CTNND2: variants seen among roughly 807,000 people sequenced by gnomAD.
CTNND2 encodes catenin delta 2.
In CTNND2, 22 loss-of-function variants were observed where a neutral mutation model predicts 144.4. The observed-to-expected ratio is 0.15, with a 90% CI of 0.11 to 0.22. The LOEUF is 0.22. CTNND2 is among the 10% of genes least tolerant of loss of function. The pLI is 1.00. For missense variants in CTNND2, 1,353 were observed against 1,618.8 expected, an observed-to-expected ratio of 0.84 and a Z score of 2.82; for synonymous variants, 751 against 695.6, an observed-to-expected ratio of 1.08 and a Z score of -1.25.
intron 9 of CTNND2, among the ~76,000 whole-genome samples, chr5:11,291,854 C>A (rs1748382548): frequency 6.6e-6 from 1 of 152,094 alleles, no homozygotes; most frequent in Non-Finnish European, 1.5e-5. Flanking sequence ...TGATGTCTTG[C>A]AAAACTGTAT....
At chr5:11,483,777 C>A (rs1561459589) in intron 3 of CTNND2, among the ~76,000 whole-genome samples, 3 of 152,094 alleles carry the variant, frequency 2.0e-5, no homozygotes, top group Non-Finnish European at 4.4e-5. Context: ...ATGCAATGTG[C>A]TCAACAAAGT....
chr5:11,113,752 T>C lies in CTNND2; in HGVS notation c.2278-2709A>G, dbSNP rs944924296. 3.3e-5 allele frequency among the ~76,000 whole-genome samples: 5 copies of C among 152,182 alleles called. No homozygotes were observed. The East Asian group carries it at 9.6e-4, about 29-fold the overall frequency. The stretch of plus-strand genomic sequence containing the variant: ...GAGGACAGCTAAAGCTGTGAGTACC[T>C]CCCACCAGACTGAGCTGCTTCTCTG... On this transcript the variant is annotated intron_variant, in intron 13 of 21. Transcript: ENST00000304623.
chr5:11,129,109 A>C (rs1755167038), intron 12 of CTNND2, among the ~76,000 whole-genome samples: 1 of 22,504 alleles, frequency 4.4e-5, no homozygotes, highest in Non-Finnish European at 7.1e-5. Context: ...AATAAAATAT[A>C]TATATTATAT....
intron 6 of CTNND2, among the ~76,000 whole-genome samples, chr5:11,392,600 A>G (rs897278964): frequency 6.6e-6 from 1 of 152,218 alleles, no homozygotes; most frequent in Non-Finnish European, 1.5e-5. Context: ...AAGCCAAACT[A>G]AATTTGCTTA....
At chr5:11,260,464 A>T (rs918483916) in intron 9 of CTNND2, among the ~76,000 whole-genome samples, 2 of 152,246 alleles carry the variant, frequency 1.3e-5, no homozygotes, top group African/African-American at 4.8e-5. Flanking sequence ...CTTTTACAAT[A>T]TCAAAATATT....
intron 1 of CTNND2, among the ~76,000 whole-genome samples, chr5:11,754,590 C>T (rs1454000966): frequency 1.3e-5 from 2 of 151,592 alleles, no homozygotes; most frequent in African/African-American, 2.4e-5. Context: ...TGGTTATCTA[C>T]ATCTCTTTGT....
chr5:11,603,435 C>T (rs1205931415), intron 2 of CTNND2, among the ~76,000 whole-genome samples: 1 of 152,152 alleles, frequency 6.6e-6, no homozygotes, highest in East Asian at 1.9e-4. Context: ...CCGTCAGGAC[C>T]TCACGTGCTG....
Position 11,236,796 on chromosome 5 carries a change from C to G in CTNND2, c.1656G>C (p.Leu552=). ...PREFGWRDPE[L]PEVIQMLQHQ... ...GCTGCAACATCTGAATCACTTCCGG[C>G]AGTTCCGGGTCTCTCCATCCAAATT... Residue 552 remains leucine, a synonymous_variant, in exon 10 of 22, where the codon CTG becomes CTC. Coordinates refer to ENST00000304623, the MANE Select transcript of CTNND2 (RefSeq NM_001332.4). 3 of 1,614,168 alleles carry G rather than the reference C, an allele frequency of 1.9e-6. No homozygotes were observed. Among genetic ancestry groups the G allele is most frequent in the Non-Finnish European group, 2.5e-6 (3 of 1,180,030 alleles).
At chr5:11,042,988 A>G (rs866548370) in intron 16 of CTNND2, among the ~76,000 whole-genome samples, 4 of 152,176 alleles carry the variant, frequency 2.6e-5, no homozygotes, top group Non-Finnish European at 2.9e-5. Flanking sequence ...AAGAGATAGT[A>G]TCCTTTCTCA....
At chr5:11,210,305 T>A (rs1260735014) in intron 10 of CTNND2, among the ~76,000 whole-genome samples, 1 of 151,992 alleles carries the variant, frequency 6.6e-6, no homozygotes, top group African/African-American at 2.4e-5. Context: ...GGCTGAGGAA[T>A]GGGGATCATT....
Position 10,981,866 on chromosome 5 carries a change from A to T in CTNND2, c.3344-20T>A. 6.3e-7 allele frequency: 1 copy of T among 1,599,628 alleles called. No homozygotes were observed. Among genetic ancestry groups the T allele is most frequent in the Non-Finnish European group, 8.6e-7 (1 of 1,167,932 alleles). On this transcript the variant is annotated intron_variant, in intron 20 of 21. Coordinates refer to ENST00000304623, the MANE Select transcript of CTNND2 (RefSeq NM_001332.4). The stretch of plus-strand genomic sequence containing the variant: ...TTTGAGCTAAAAGCAAAAGGAAAAC[A>T]AAAGTTTAGCAAAGAAAACAACATT...
At chr5:11,024,125 C>T (rs1742571274) in intron 16 of CTNND2, among the ~76,000 whole-genome samples, 1 of 152,180 alleles carries the variant, frequency 6.6e-6, no homozygotes. Context: ...TGTATGGTGC[C>T]TGGCAGCAGG....
chr5:11,444,759 A>C (rs1381915174), intron 3 of CTNND2, among the ~76,000 whole-genome samples: 1 of 152,204 alleles, frequency 6.6e-6, no homozygotes, highest in Non-Finnish European at 1.5e-5. Flanking sequence ...AGCATAGTAA[A>C]GACAAATAAT....
At chr5:11,120,771 G>C (rs1264019069) in intron 12 of CTNND2, among the ~76,000 whole-genome samples, 1 of 152,116 alleles carries the variant, frequency 6.6e-6, no homozygotes, top group Non-Finnish European at 1.5e-5. Context: ...CAGACTTGAA[G>C]AGGGCGTTAT....
chr5:11,238,165 T>C (rs1741842047), intron 9 of CTNND2, among the ~76,000 whole-genome samples: 1 of 152,186 alleles, frequency 6.6e-6, no homozygotes, highest in Non-Finnish European at 1.5e-5. Flanking sequence ...AGTTAGACCA[T>C]GCTGCTAACA....
At chr5:11,699,665 C>T (rs1785330032) in intron 2 of CTNND2, among the ~76,000 whole-genome samples, 1 of 152,176 alleles carries the variant, frequency 6.6e-6, no homozygotes, top group Admixed American at 6.5e-5. Flanking sequence ...TCCAAAAATA[C>T]TGTAGCCCAA....
chr5:11,737,817 T>C (rs998541139), intron 1 of CTNND2, among the ~76,000 whole-genome samples: 10 of 152,082 alleles, frequency 6.6e-5, no homozygotes, highest in African/African-American at 4.8e-5. Flanking sequence ...CTCTTCCCCT[T>C]TGCATACACA....
Position 11,903,705 on chromosome 5 carries a change from G to A in CTNND2, c.37+112C>T. Reference sequence around the variant, plus strand: ...AGGCAGAAACCCCGCAGCAGCCGCCGCCGCCGCCTGCCGGCCGGGAGCCCA... The same window carrying A: ...AGGCAGAAACCCCGCAGCAGCCGCCACCGCCGCCTGCCGGCCGGGAGCCCA... On this transcript the variant is annotated intron_variant, in intron 1 of 21. Transcript: ENST00000304623. This position sits in a 1 kb window ranked among gnomAD's most constrained non-coding sequence, Gnocchi z 5.4. 1.7e-6 allele frequency: 2 copies of A among 1,145,446 alleles called. No homozygotes were observed. The highest frequency in any genetic ancestry group is 2.3e-6 in the Non-Finnish European group (2 of 869,722). The allele number at this position is 1,145,446 out of a possible 1,614,324, so 71.0% of individuals were successfully genotyped here.
rs988870952 is a variant in CTNND2, at chr5:11,903,644, A to G, written c.37+173T>C. 3.3e-5 allele frequency among the ~76,000 whole-genome samples: 5 copies of G among 152,090 alleles called. No individual in the cohort carries two copies. The highest frequency in any genetic ancestry group is 3.3e-4 in the Admixed American group (5 of 15,286). ...CCCCTTCCAGGCACAGCGGCTTCCGAGGGGGACCTGGCGCGATCGCGGTCC... is the reference window on the plus strand; with the variant it reads ...CCCCTTCCAGGCACAGCGGCTTCCGGGGGGGACCTGGCGCGATCGCGGTCC... On this transcript the variant is annotated intron_variant, in intron 1 of 21. Coordinates refer to ENST00000304623, the MANE Select transcript of CTNND2 (RefSeq NM_001332.4). This position sits in a 1 kb window ranked among gnomAD's most constrained non-coding sequence, Gnocchi z 5.4.
Sources: allele counts gnomAD v4.1 joint callset (sites outside exome capture counted in the v4.1 genomes callset), GRCh38; gene constraint gnomAD v4.1.1; non-coding constraint Gnocchi (gnomAD v3.1); transcripts MANE v1.5; gene names NCBI Gene and HGNC (gene_info 2026-07-23, HGNC 2026-07-21).